Variants in KIAA1217 observed in about 807,000 individuals in gnomAD.
KIAA1217 encodes the protein sickle tail protein homolog.
KIAA1217 carries 88 observed loss-of-function variants against 163.9 expected under a neutral mutation model. The observed-to-expected ratio is 0.54, with a 90% CI of 0.45 to 0.64. The LOEUF (loss-of-function observed/expected upper bound fraction) is 0.64, where lower values mean the gene tolerates loss of function less well. Among genes scored for constraint, KIAA1217 ranks in the 30% least tolerant of loss-of-function variants. The pLI is 0.00. For synonymous variants in KIAA1217, 903 were observed against 923.1 expected (o/e 0.98, Z 0.39); for missense variants, 2,372 against 2,475.0 (o/e 0.96, Z 0.88).
intron 1 of KIAA1217, among the ~76,000 whole-genome samples, chr10:23,934,625 A>ATATTTTTTTTT (rs1554826424): frequency 8.8e-5 from 6 of 68,548 alleles, no homozygotes; most frequent in African/African-American, 4.6e-4. Flanking sequence ...ATATATATAT[A>ATATTTTTTTTT]TTTTTTTTTT....
chr10:24,136,022 A>T (rs1341801736), intron 2 of KIAA1217, among the ~76,000 whole-genome samples: 1 of 152,194 alleles, frequency 6.6e-6, no homozygotes, highest in African/African-American at 2.4e-5. Flanking sequence ...TTGACATTCT[A>T]ATTACTCTTC....
chr10:24,472,447 C>T (rs2063625788), intron 5 of KIAA1217, among the ~76,000 whole-genome samples: 1 of 152,188 alleles, frequency 6.6e-6, no homozygotes, highest in South Asian at 2.1e-4. Context: ...TAGATTGTAT[C>T]CACTTTGAAA....
chr10:24,224,221 C>G (rs1392654020), intron 2 of KIAA1217, among the ~76,000 whole-genome samples: 1 of 152,202 alleles, frequency 6.6e-6, no homozygotes, highest in Non-Finnish European at 1.5e-5. Flanking sequence ...GCTGTACAGC[C>G]TCATTGCCTG....
At chr10:23,727,718 A>G (rs1838250361) in intron 1 of KIAA1217, among the ~76,000 whole-genome samples, 1 of 152,126 alleles carries the variant, frequency 6.6e-6, no homozygotes, top group South Asian at 2.1e-4. Flanking sequence ...ACATAAGTAT[A>G]CATGTGCCAT....
intron 1 of KIAA1217, among the ~76,000 whole-genome samples, chr10:23,855,457 T>G (rs548513642): frequency 4.6e-5 from 7 of 152,340 alleles, no homozygotes; most frequent in Non-Finnish European, 7.3e-5. Flanking sequence ...ATTTTTTCCT[T>G]CATTTCAACT....
chr10:23,930,747 G>A (rs189716738), intron 1 of KIAA1217, among the ~76,000 whole-genome samples: 1 of 152,238 alleles, frequency 6.6e-6, no homozygotes, highest in Admixed American at 6.5e-5. Context: ...TTCCTTCATT[G>A]CACTCGAGCT....
At chr10:23,903,919 G>A (rs1160970426) in intron 1 of KIAA1217, among the ~76,000 whole-genome samples, 1 of 152,120 alleles carries the variant, frequency 6.6e-6, no homozygotes, top group Non-Finnish European at 1.5e-5. Context: ...ATTATCAAGA[G>A]CTGGCAAACG....
chr10:24,366,411 C>T (rs2050790916), intron 2 of KIAA1217, among the ~76,000 whole-genome samples: 1 of 152,102 alleles, frequency 6.6e-6, no homozygotes, highest in South Asian at 2.1e-4. Flanking sequence ...CGCCACTGCA[C>T]TCCAGCCTGG....
chr10:24,193,794 C>T (rs1002410748), intron 2 of KIAA1217, among the ~76,000 whole-genome samples: 2 of 128,790 alleles, frequency 1.6e-5, no homozygotes, highest in African/African-American at 5.7e-5. Context: ...CCATCTGCAG[C>T]GTTTTCTACA....
chr10:23,932,788 G>T (rs1843310188), intron 1 of KIAA1217, among the ~76,000 whole-genome samples: 1 of 152,166 alleles, frequency 6.6e-6, no homozygotes, highest in East Asian at 1.9e-4. Flanking sequence ...AGATATAAAA[G>T]ACCTGGTTGC....
rs1564493383 is a variant in KIAA1217 at position 24,336,101 on chromosome 10, G to A, written c.355-44768G>A. 3.9e-5 allele frequency among the ~76,000 whole-genome samples: 6 copies of A among 152,308 alleles called. No homozygotes were observed. In the South Asian group the frequency reaches 1.2e-3, roughly 32 times the overall value. The stretch of plus-strand genomic sequence containing the variant: ...ACTAAAAATACAAACAATTAGCTGG[G>A]TGTAGTGGCAGGTGCCTGTAATCCC... On this transcript the variant is annotated intron_variant, in intron 2 of 20. Coordinates refer to ENST00000376454, the MANE Select transcript of KIAA1217 (RefSeq NM_019590.5).
At chr10:24,012,553 T>C (rs1334883330) in intron 2 of KIAA1217, among the ~76,000 whole-genome samples, 9 of 152,194 alleles carry the variant, frequency 5.9e-5, no homozygotes, top group African/African-American at 2.2e-4. Flanking sequence ...TAGTAGTCTC[T>C]TCCTTCAAGG....
chr10:24,508,554 A>T (rs1448610929), intron 9 of KIAA1217, among the ~76,000 whole-genome samples: 6 of 152,218 alleles, frequency 3.9e-5, no homozygotes, highest in African/African-American at 7.2e-5. Flanking sequence ...AATTGGCTTT[A>T]CTCACAAATG....
At chr10:24,053,816 G>A (rs1849687275) in intron 2 of KIAA1217, among the ~76,000 whole-genome samples, 1 of 152,008 alleles carries the variant, frequency 6.6e-6, no homozygotes, top group South Asian at 2.1e-4. Context: ...TATACAAAAT[G>A]GCATGAATGC....
chr10:24,392,253 A>T (rs1591555661), intron 3 of KIAA1217, among the ~76,000 whole-genome samples: 2 of 152,170 alleles, frequency 1.3e-5, no homozygotes, highest in East Asian at 3.8e-4. Context: ...GAAAAAAAAA[A>T]AGTTTTAAGG....
chr10:24,091,191 T>C (rs964255444), intron 2 of KIAA1217, among the ~76,000 whole-genome samples: 25 of 151,906 alleles, frequency 1.6e-4, no homozygotes, highest in African/African-American at 5.6e-4. Context: ...CAAATTGCTC[T>C]GCTACATAAC....
At chr10:23,908,688 T>A (rs754841948) in intron 1 of KIAA1217, among the ~76,000 whole-genome samples, 2 of 152,098 alleles carry the variant, frequency 1.3e-5, no homozygotes, top group Admixed American at 1.3e-4. Flanking sequence ...TATCTCCCTA[T>A]GCACAATGCA....
intron 13 of KIAA1217, 31 bp from the exon 14 acceptor site, chr10:24,527,905 G>C (rs376278231): frequency 9.5e-6 from 15 of 1,586,684 alleles, no homozygotes; most frequent in Non-Finnish European, 1.3e-5. Flanking sequence ...ATGTGTCCAC[G>C]TAACTTCCTT....
At chr10:23,788,956 A>G (rs1835614532) in intron 1 of KIAA1217, among the ~76,000 whole-genome samples, 1 of 152,238 alleles carries the variant, frequency 6.6e-6, no homozygotes. Flanking sequence ...GCTCACGTCA[A>G]AAGGGACAAT....
Sources: gnomAD v4.1 joint callset for allele counts (sites outside exome capture counted in the v4.1 genomes callset) on GRCh38, gnomAD v4.1.1 for gene constraint, MANE v1.5 for transcripts, NCBI Gene and HGNC (gene_info 2026-07-23, HGNC 2026-07-21) for gene names.